SSH2: variants seen among roughly 807,000 people sequenced by gnomAD.
SSH2 encodes slingshot protein phosphatase 2.
A neutral mutation model predicts 135.2 loss-of-function variants in SSH2; 37 were observed. The ratio of observed to expected loss-of-function variants is 0.27; its 90% CI spans 0.21 to 0.36. SSH2 has a LOEUF of 0.36. Ranked by LOEUF, SSH2 falls within the 10% of genes least tolerant of loss-of-function variation. The pLI, the probability that SSH2 is intolerant of heterozygous loss-of-function variation, is 1.00. For synonymous variants in SSH2, 628 were observed against 646.2 expected, an observed-to-expected ratio of 0.97 and a Z score of 0.43; for missense variants, 1,408 against 1,765.3, an observed-to-expected ratio of 0.80 and a Z score of 3.63.
chr17:29,798,369 G>A (rs2042194086), intron 2 of SSH2, among the ~76,000 whole-genome samples: 1 of 152,032 alleles, frequency 6.6e-6, no homozygotes, highest in African/African-American at 2.4e-5. Flanking sequence ...ATATTGGCCA[G>A]GGTGGTCTCG....
chr17:29,729,307 A>T (rs149803448), intron 3 of SSH2, among the ~76,000 whole-genome samples: 5,144 of 152,348 alleles, frequency 0.034, 130 homozygotes, highest in African/African-American at 0.063. Flanking sequence ...ATCACTGATC[A>T]TCAGAGAAAT....
intron 3 of SSH2, among the ~76,000 whole-genome samples, chr17:29,721,399 G>C (rs930931056): frequency 6.6e-6 from 1 of 152,154 alleles, no homozygotes; most frequent in African/African-American, 2.4e-5. Flanking sequence ...ATCTACCCCA[G>C]TGGCAACTCA....
At chr17:29,857,317 G>A (rs1164542358) in intron 1 of SSH2, among the ~76,000 whole-genome samples, 1 of 152,144 alleles carries the variant, frequency 6.6e-6, no homozygotes, top group Non-Finnish European at 1.5e-5. Context: ...GAGCTTGTGT[G>A]GGGAACTCCT....
At chr17:29,634,351 T>G (rs994086262) in intron 15 of SSH2, among the ~76,000 whole-genome samples, 4 of 152,208 alleles carry the variant, frequency 2.6e-5, no homozygotes, top group Admixed American at 2.6e-4. Context: ...ACAGTTTATT[T>G]CCCAACTACT....
At chr17:29,747,370 A>G (rs1033261325) in intron 3 of SSH2, among the ~76,000 whole-genome samples, 1 of 152,214 alleles carries the variant, frequency 6.6e-6, no homozygotes, top group African/African-American at 2.4e-5. Flanking sequence ...AGTGTAACTA[A>G]GCCAAATCCC....
intron 3 of SSH2, among the ~76,000 whole-genome samples, chr17:29,783,019 C>T (rs1453077157): frequency 6.6e-6 from 1 of 152,078 alleles, no homozygotes; most frequent in East Asian, 1.9e-4. Flanking sequence ...CCGCGCCTGG[C>T]CTGGATCAGA....
intron 3 of SSH2, among the ~76,000 whole-genome samples, chr17:29,771,041 C>T (rs764205300): frequency 6.6e-6 from 1 of 152,192 alleles, no homozygotes; most frequent in Non-Finnish European, 1.5e-5. Context: ...CCCAAACTTA[C>T]ATAGTAAATG....
intron 3 of SSH2, among the ~76,000 whole-genome samples, chr17:29,723,314 TTGATA>T (rs2039883539): frequency 6.6e-6 from 1 of 152,246 alleles, no homozygotes; most frequent in African/African-American, 2.4e-5. Flanking sequence ...CTGCCTTGCT[TTGATA>T]TATGTTTAAC....
rs1175016580 is a variant in SSH2 at position 29,895,042 on chromosome 17, C to T, written c.63+34896G>A. On this transcript the variant is annotated intron_variant, in intron 1 of 15. Transcript: ENST00000540801. ...TGCCCCTTCTCTGACATAGACTCTC[C>T]ACTCCAACCACATAAAATCACATGT... Among the ~76,000 whole-genome samples, 6 of 151,298 alleles carry T rather than the reference C, an allele frequency of 4.0e-5. 1 individual carries two copies. The highest frequency in any genetic ancestry group is 1.3e-4 in the Admixed American group (2 of 15,080).
At chr17:29,767,376 C>CTT (rs59803619) in intron 3 of SSH2, among the ~76,000 whole-genome samples, 147 of 145,110 alleles carry the variant, frequency 1.0e-3, no homozygotes, top group Middle Eastern at 3.6e-3. Context: ...TTTCTTTTTT[C>CTT]TTTTTTTTTT....
At chr17:29,666,687 G>A (rs544426026) in intron 11 of SSH2, among the ~76,000 whole-genome samples, 180 bp downstream of exon 11, 37 of 152,024 alleles carry the variant, frequency 2.4e-4, no homozygotes, top group African/African-American at 8.2e-4. Flanking sequence ...TCACACACAC[G>A]CACACACACA....
intron 12 of SSH2, 51 bp from the exon 13 acceptor site, chr17:29,650,851 A>C: frequency 6.9e-7 from 1 of 1,453,302 alleles, no homozygotes; most frequent in South Asian, 1.4e-5. Flanking sequence ...GGCTAAATCC[A>C]ATTCCCAGCA....
At chr17:29,831,739 GT>G (rs35415547) in intron 2 of SSH2, among the ~76,000 whole-genome samples, 23 of 147,634 alleles carry the variant, frequency 1.6e-4, no homozygotes, top group African/African-American at 2.2e-4. Context: ...GCCCAGCTAA[GT>G]TTTTTTTTTT....
At chr17:29,825,470 T>C (rs1022081827) in intron 2 of SSH2, among the ~76,000 whole-genome samples, 1 of 152,218 alleles carries the variant, frequency 6.6e-6, no homozygotes, top group African/African-American at 2.4e-5. Flanking sequence ...ATGACATGTT[T>C]TATGTGGCAT....
At chr17:29,843,680 C>G (rs1001666467) in intron 2 of SSH2, among the ~76,000 whole-genome samples, 1 of 152,064 alleles carries the variant, frequency 6.6e-6, no homozygotes, top group South Asian at 2.1e-4. Flanking sequence ...CATACAAGAA[C>G]AGGATATCTC....
chr17:29,709,716 T>A (rs1432978483), intron 3 of SSH2, among the ~76,000 whole-genome samples: 1 of 152,108 alleles, frequency 6.6e-6, no homozygotes, highest in African/African-American at 2.4e-5. Flanking sequence ...AGAAAAGAAC[T>A]GAAATCCATT....
intron 2 of SSH2, among the ~76,000 whole-genome samples, chr17:29,822,023 C>A (rs1306856938): frequency 6.6e-6 from 1 of 152,154 alleles, no homozygotes; most frequent in Non-Finnish European, 1.5e-5. Flanking sequence ...TAAACAGTAA[C>A]CTGGGTCAAA....
rs145835342 is a variant in SSH2, at chr17:29,847,270, A to C, written c.144+1579T>G. Among the ~76,000 whole-genome samples the C allele has an allele frequency of 3.8e-3, 576 of 152,328 alleles. 4 individuals are homozygous for C. Among genetic ancestry groups the C allele is most frequent in the African/African-American group, 0.013 (537 of 41,566 alleles). On this transcript the variant is annotated intron_variant, in intron 2 of 15. Transcript: ENST00000540801. Reference sequence around the variant, plus strand: ...CTGCACAAGCTTCACAGTAAAGGGCAGTACACCTTAAAAAAAATCAGGTTG... The same window carrying C: ...CTGCACAAGCTTCACAGTAAAGGGCCGTACACCTTAAAAAAAATCAGGTTG...
intron 8 of SSH2, chr17:29,674,265 G>A: frequency 2.3e-6 from 1 of 440,818 alleles, no homozygotes; most frequent in East Asian, 7.0e-5. Flanking sequence ...AAACAAAGTT[G>A]CAGAGTCTTT....
Sources: allele counts gnomAD v4.1 joint callset (sites outside exome capture counted in the v4.1 genomes callset), GRCh38; gene constraint gnomAD v4.1.1; transcripts MANE v1.5; gene names NCBI Gene and HGNC (gene_info 2026-07-23, HGNC 2026-07-21).